The following RNASE11 variants were observed in gnomAD, a reference collection of about 807,000 sequenced individuals.
RNASE11 encodes the protein ribonuclease A family member 11 (inactive).
For missense variants in RNASE11, 252 were observed against 237.8 expected (o/e 1.06, Z -0.39); for synonymous variants, 105 against 86.1 (o/e 1.22, Z -1.21).
At chr14:20,584,082 G>T in exon 2 of RNASE11, 1 of 1,614,186 alleles carries the variant, frequency 6.2e-7, no homozygotes, top group Non-Finnish European at 8.5e-7. Context: ...GGGCCCTGTG[G>T]ACCCTGCGCA....
At chr14:20,585,631 GTGC>G (rs1371171656) in intron 1 of RNASE11, among the ~76,000 whole-genome samples, 1 of 152,146 alleles carries the variant, frequency 6.6e-6, no homozygotes, top group Non-Finnish European at 1.5e-5. Flanking sequence ...GTTTACTATA[GTGC>G]TAAAGAGTAG....
At chr14:20,589,616 G>T (rs1406481992), upstream of RNASE11, among the ~76,000 whole-genome samples, 2 of 151,938 alleles carry the variant, frequency 1.3e-5, no homozygotes, top group African/African-American at 4.8e-5. Flanking sequence ...GCCAGGTACA[G>T]TGGCTCACGC....
At chr14:20,589,298 C>A (rs1033436847), upstream of RNASE11, among the ~76,000 whole-genome samples, 5 of 149,572 alleles carry the variant, frequency 3.3e-5, no homozygotes, top group Admixed American at 6.6e-5. Context: ...TCTGCCGCCC[C>A]GGCTGGAGTG....
chr14:20,584,001 G>T lies in RNASE11; in HGVS notation c.474C>A (p.Cys158Ter), dbSNP rs1447923075. ...GGAATTGTTTGCCTGTAGTGAACTGGCACACTGTATTTTCCAGTTCTAGGC... is the reference window on the plus strand; with the variant it reads ...GGAATTGTTTGCCTGTAGTGAACTGTCACACTGTATTTTCCAGTTCTAGGC... The change falls in exon 2 of 2, where the codon TGC (cysteine) becomes TGA (stop). Residue 158 changes from cysteine (C) to a stop codon, truncating the protein, a stop_gained. Coordinates refer to ENST00000553849, the Ensembl canonical transcript of RNASE11. LOFTEE classifies it low-confidence loss of function (END_TRUNC). The T allele has an allele frequency of 3.7e-6, 6 of 1,614,148 alleles. No homozygotes were observed. Among genetic ancestry groups the T allele is most frequent in the Non-Finnish European group, 5.1e-6 (6 of 1,180,018 alleles).
chr14:20,584,473 A>G, exon 2 of RNASE11: 1 of 1,585,122 alleles, frequency 6.3e-7, no homozygotes, highest in South Asian at 1.2e-5. Context: ...AAAGGTCTCC[A>G]TCTCAGATGT....
chr14:20,587,174 T>C (rs191063852), intron 1 of RNASE11, among the ~76,000 whole-genome samples: 2 of 152,290 alleles, frequency 1.3e-5, no homozygotes, highest in Admixed American at 6.5e-5. Flanking sequence ...ATAATATATA[T>C]GTATATACAT....
At chr14:20,586,047 A>G (rs565767902) in intron 1 of RNASE11, among the ~76,000 whole-genome samples, 5 of 152,308 alleles carry the variant, frequency 3.3e-5, no homozygotes, top group African/African-American at 4.8e-5. Flanking sequence ...TTCTAAAAAC[A>G]TAACTTGCAA....
At chr14:20,583,457 GATAATAA>G, downstream of RNASE11, 1 of 176,480 alleles carries the variant, frequency 5.7e-6, no homozygotes, top group Admixed American at 5.3e-5. Context: ...AGAGAGTAGT[GATAATAA>G]TATATGTCAC....
At chr14:20,588,155 T>G (rs1388707060), upstream of RNASE11, 1 of 152,196 alleles carries the variant, frequency 6.6e-6, no homozygotes, top group Non-Finnish European at 1.5e-5. Context: ...CTGTACTACT[T>G]AAGAAATAGA....
upstream of RNASE11, among the ~76,000 whole-genome samples, chr14:20,588,862 C>G (rs770915704): frequency 6.6e-6 from 1 of 152,140 alleles, no homozygotes; most frequent in African/African-American, 2.4e-5. Flanking sequence ...TCTCGGCTCA[C>G]TGCAACCTCC....
chr14:20,589,713 C>G (rs939460891), upstream of RNASE11, among the ~76,000 whole-genome samples: 2 of 151,806 alleles, frequency 1.3e-5, no homozygotes, highest in Non-Finnish European at 2.9e-5. Context: ...ATGGAGAAAC[C>G]TCATCTCTAC....
chr14:20,585,605 G>A (rs144393638), intron 1 of RNASE11, among the ~76,000 whole-genome samples: 1,810 of 152,244 alleles, frequency 0.012, 36 homozygotes, highest in African/African-American at 0.042. Context: ...CCTCCAGTTA[G>A]TATAAATAAT....
exon 2 of RNASE11, chr14:20,584,492 C>G (rs1002528805): frequency 6.4e-7 from 1 of 1,555,642 alleles, no homozygotes; most frequent in Non-Finnish European, 8.6e-7. Context: ...GTAGTGTAAT[C>G]TCTTCTGCAG....
chr14:20,586,585 A>G (rs1884439084), intron 1 of RNASE11, among the ~76,000 whole-genome samples: 1 of 152,258 alleles, frequency 6.6e-6, no homozygotes, highest in African/African-American at 2.4e-5. Flanking sequence ...TGTGTGTCCA[A>G]GGATGCCTTG....
intron 1 of RNASE11, among the ~76,000 whole-genome samples, chr14:20,584,705 T>A (rs558861608): frequency 5.9e-4 from 90 of 152,334 alleles, no homozygotes; most frequent in African/African-American, 2.1e-3. Flanking sequence ...TATAATTTAT[T>A]CAACCTTATT....
exon 2 of RNASE11, chr14:20,583,844 G>C (rs758408349): frequency 2.9e-5 from 45 of 1,555,538 alleles, no homozygotes; most frequent in Admixed American, 7.9e-5. Flanking sequence ...TCCTTCTTTA[G>C]TAAGACCCTA....
chr14:20,583,962 G>T lies in RNASE11; in HGVS notation c.513C>A (p.Tyr171Ter). 1 of 1,614,126 alleles carries T rather than the reference G, an allele frequency of 6.2e-7. No homozygotes were observed. The highest frequency in any genetic ancestry group is 8.5e-7 in the Non-Finnish European group (1 of 1,180,002). The change falls in exon 2 of 2, where the codon TAC becomes TAA. Residue 171 changes from tyrosine (Y) to a stop codon, truncating the protein, a stop_gained. Coordinates refer to ENST00000553849, the Ensembl canonical transcript of RNASE11. LOFTEE classifies it low-confidence loss of function (END_TRUNC). ...TCTTCTCTAATGAGGTAACACTATG[G>T]TATTGGCACCTGGGGAATTGTTTGC...
intron 1 of RNASE11, among the ~76,000 whole-genome samples, chr14:20,587,010 AG>A (rs1467044406): frequency 3.9e-5 from 6 of 152,132 alleles, no homozygotes; most frequent in Non-Finnish European, 8.8e-5. Context: ...ACAAAAAGCC[AG>A]TTGTGGTGGC....
intron 1 of RNASE11, chr14:20,585,156 G>A: frequency 1.2e-6 from 1 of 854,228 alleles, no homozygotes; most frequent in Non-Finnish European, 1.4e-6. Flanking sequence ...GCAACAGAGG[G>A]GTAGATAGGG....
Sources: gnomAD v4.1 joint callset for allele counts (sites outside exome capture counted in the v4.1 genomes callset) on GRCh38, gnomAD v4.1.1 for gene constraint, MANE v1.5 for transcripts, NCBI Gene and HGNC (gene_info 2026-07-23, HGNC 2026-07-21) for gene names.